The following SYTL5 variants were observed in gnomAD, a reference collection of about 807,000 sequenced individuals.
SYTL5 encodes the protein synaptotagmin-like protein 5.
A neutral mutation model predicts 55.9 loss-of-function variants in SYTL5; 34 were observed. The observed-to-expected ratio is 0.61, with a 90% CI of 0.46 to 0.81. The LOEUF (loss-of-function observed/expected upper bound fraction) is 0.81. SYTL5 is among the 30% of genes least tolerant of loss of function. The pLI is 0.00. For missense variants in SYTL5, 637 were observed against 546.7 expected, an observed-to-expected ratio of 1.17 and a Z score of -1.65; for synonymous variants, 221 against 188.7, an observed-to-expected ratio of 1.17 and a Z score of -1.40.
At chrX:37,934,511 A>G in the SYTL5 span, among the ~76,000 whole-genome samples, 1 of 106,451 alleles carries the variant, frequency 9.4e-6, no homozygotes, top group African/African-American at 3.4e-5. Context: ...TGAGGAGCAG[A>G]AAAAAAAAAG....
the SYTL5 span, among the ~76,000 whole-genome samples, chrX:37,894,690 G>A: frequency 8.9e-6 from 1 of 111,905 alleles, no homozygotes; most frequent in Non-Finnish European, 1.9e-5. Context: ...TTTTCTGGAA[G>A]AGATTAGCAA....
chrX:38,084,833 T>C (rs1936630696), intron 6 of SYTL5, among the ~76,000 whole-genome samples: 1 of 111,739 alleles, frequency 8.9e-6, no homozygotes, highest in South Asian at 3.8e-4. Flanking sequence ...AGTACATGAA[T>C]GAATGGGCTG....
the SYTL5 span, among the ~76,000 whole-genome samples, chrX:37,995,484 G>A: frequency 1.7e-4 from 19 of 111,955 alleles, no homozygotes; most frequent in Non-Finnish European, 1.5e-4. Flanking sequence ...TTGTGAAGAT[G>A]CCCACCCCAC....
Position 38,072,112 on chromosome X carries a change from A to G in SYTL5, c.395A>G (p.Asn132Ser), listed in dbSNP as rs781748767. 1 of 1,211,085 alleles carries G rather than the reference A, an allele frequency of 8.3e-7. No homozygotes were observed. Among genetic ancestry groups the G allele is most frequent in the Non-Finnish European group, 1.1e-6 (1 of 894,965 alleles). Residue 132 changes from asparagine to serine, a missense_variant, in exon 4 of 17, where the codon AAT (asparagine) becomes AGT (serine). Coordinates refer to ENST00000297875, the MANE Select transcript of SYTL5 (RefSeq NM_138780.3). ...AAGGCAAAACGTTTCAAGCAAGTCAATGTTCTCGGCACTGATGTTGTCCGA... is the reference window on the plus strand; with the variant it reads ...AAGGCAAAACGTTTCAAGCAAGTCAGTGTTCTCGGCACTGATGTTGTCCGA... ...EEKAKRFKQVNVLGTDVVRQS... is the reference protein window; with the variant it reads ...EEKAKRFKQVSVLGTDVVRQS...
chrX:38,078,483 ATCT>A (rs1156624890), intron 6 of SYTL5, among the ~76,000 whole-genome samples: 2 of 109,959 alleles, frequency 1.8e-5, no homozygotes, highest in Non-Finnish European at 3.8e-5. Flanking sequence ...GACAGTCTTG[ATCT>A]CCTGACCTCA....
chrX:38,123,006 G>C (rs777675287), intron 15 of SYTL5, among the ~76,000 whole-genome samples: 1 of 112,714 alleles, frequency 8.9e-6, no homozygotes, highest in South Asian at 3.7e-4. Context: ...TTCCCATGAT[G>C]CCAGACCATG....
At chrX:38,005,793 C>T (rs779492719), upstream of SYTL5, among the ~76,000 whole-genome samples, 2 of 111,908 alleles carry the variant, frequency 1.8e-5, no homozygotes, top group African/African-American at 3.2e-5. Flanking sequence ...GCTAGACTCA[C>T]GTTTTCGATT....
At chrX:37,952,322 A>T in the SYTL5 span, among the ~76,000 whole-genome samples, 1 of 111,633 alleles carries the variant, frequency 9.0e-6, no homozygotes, top group Non-Finnish European at 1.9e-5. Context: ...TTAGCTCCAG[A>T]TGGTAGACAG....
At chrX:37,941,502 T>C in the SYTL5 span, among the ~76,000 whole-genome samples, 4 of 91,920 alleles carry the variant, frequency 4.4e-5, no homozygotes, top group Non-Finnish European at 8.9e-5. Flanking sequence ...AAAAGGCTGC[T>C]TGCTGCAAAA....
intron 1 of SYTL5, among the ~76,000 whole-genome samples, chrX:38,028,811 A>T (rs1442822636): frequency 8.9e-6 from 1 of 111,959 alleles, no homozygotes; most frequent in Non-Finnish European, 1.9e-5. Context: ...TTTAAATAGG[A>T]TTAAAATAAG....
At chrX:38,114,865 C>T (rs924480509) in intron 13 of SYTL5, among the ~76,000 whole-genome samples, 1 of 111,166 alleles carries the variant, frequency 9.0e-6, no homozygotes, top group African/African-American at 3.3e-5. Flanking sequence ...ATAACCACCA[C>T]TCTACTCTCT....
chrX:38,071,415 C>G (rs952223304), intron 3 of SYTL5, among the ~76,000 whole-genome samples: 8 of 111,608 alleles, frequency 7.2e-5, no homozygotes, highest in Admixed American at 5.7e-4. Context: ...GAATTTATTA[C>G]TCCTCTTTTA....
chrX:38,106,787 G>T lies in SYTL5; in HGVS notation c.1334+16G>T. ...GGACAGATGCGTAAGCACATAGCAT[G>T]TTCCTCAGACTATTTCAGTCACTGC... On this transcript the variant is annotated intron_variant, in intron 11 of 16. Coordinates refer to ENST00000297875, the MANE Select transcript of SYTL5 (RefSeq NM_138780.3). The T allele has an allele frequency of 1.7e-6, 2 of 1,163,317 alleles. No homozygotes were observed. Among genetic ancestry groups the T allele is most frequent in the Non-Finnish European group, 2.3e-6 (2 of 868,251 alleles).
the SYTL5 span, among the ~76,000 whole-genome samples, chrX:37,999,242 A>T: frequency 8.9e-6 from 1 of 112,628 alleles, no homozygotes; most frequent in African/African-American, 3.2e-5. Flanking sequence ...TCCTAAAATC[A>T]CAGTGTGTGT....
chrX:38,106,395 G>A (rs1937211001), intron 10 of SYTL5, among the ~76,000 whole-genome samples, 198 bp from the exon 11 acceptor site: 1 of 111,611 alleles, frequency 9.0e-6, no homozygotes, highest in Admixed American at 9.5e-5. Flanking sequence ...TTTCCTGATG[G>A]TACTAGATCT....
the SYTL5 span, among the ~76,000 whole-genome samples, chrX:37,942,635 C>T: frequency 3.5e-4 from 39 of 111,609 alleles, no homozygotes; most frequent in Non-Finnish European, 7.0e-4. Flanking sequence ...TCTGGGCTCT[C>T]CTATCCTCTT....
chrX:38,015,462 G>A (rs756406577), intron 1 of SYTL5, among the ~76,000 whole-genome samples: 3 of 111,451 alleles, frequency 2.7e-5, no homozygotes, highest in African/African-American at 9.8e-5. Flanking sequence ...GGTTCAGAGA[G>A]GTTAAGTAAC....
chrX:38,070,162 G>A (rs766098521), intron 3 of SYTL5, among the ~76,000 whole-genome samples: 55 of 111,715 alleles, frequency 4.9e-4, no homozygotes, highest in African/African-American at 8.1e-4. Flanking sequence ...CTCAGATTCC[G>A]AAGCAGATTT....
the SYTL5 span, among the ~76,000 whole-genome samples, chrX:37,891,417 A>G: frequency 2.7e-5 from 3 of 112,285 alleles, no homozygotes; most frequent in Non-Finnish European, 5.6e-5. Context: ...TAAAATGTCC[A>G]GAATAGGCAA....
Sources: gnomAD v4.1 joint callset for allele counts (sites outside exome capture counted in the v4.1 genomes callset) on GRCh38, gnomAD v4.1.1 for gene constraint, MANE v1.5 for transcripts, NCBI Gene and HGNC (gene_info 2026-07-23, HGNC 2026-07-21) for gene names.